Variants in CDH9 observed in about 807,000 individuals in gnomAD.
CDH9 encodes the protein cadherin-9.
A neutral mutation model predicts 70.9 loss-of-function variants in CDH9; 28 were observed. The observed-to-expected ratio is 0.40, with a 90% CI of 0.29 to 0.54. The LOEUF (loss-of-function observed/expected upper bound fraction) is 0.54. CDH9 is among the 20% of genes least tolerant of loss of function. CDH9 has a pLI of 0.59. For missense variants in CDH9, 874 were observed against 984.4 expected (o/e 0.89, Z 1.50); for synonymous variants, 409 against 343.1 (o/e 1.19, Z -2.12).
At position 26,914,823 on chromosome 5, in the gene CDH9, T is replaced by C. The variant is rs188096612; in HGVS notation, c.523+807A>G. 2.6e-5 allele frequency among the ~76,000 whole-genome samples: 4 copies of C among 152,040 alleles called. No homozygotes were observed. The South Asian group carries it at 6.2e-4, about 24-fold the overall frequency. On this transcript the variant is annotated intron_variant, in intron 3 of 11. Coordinates refer to ENST00000231021, the MANE Select transcript of CDH9 (RefSeq NM_016279.4). ...ACTAAATTGTATCAAATTTGGGAAA[T>C]TGGCTGCAGATCTTGTAAATTAAGT... is the stretch of plus-strand genomic sequence containing the variant.
intron 7 of CDH9, among the ~76,000 whole-genome samples, chr5:26,893,362 C>T (rs553008756): frequency 6.6e-6 from 1 of 152,210 alleles, no homozygotes; most frequent in East Asian, 1.9e-4. Flanking sequence ...AACTTATATA[C>T]TTGGTCTCAG....
At chr5:26,884,931 G>A (rs1740535290) in intron 11 of CDH9, among the ~76,000 whole-genome samples, 1 of 152,104 alleles carries the variant, frequency 6.6e-6, no homozygotes, top group Non-Finnish European at 1.5e-5. Flanking sequence ...AAATATTGCA[G>A]GGCTAGGTAG....
At chr5:26,941,269 C>T (rs1741657557) in intron 2 of CDH9, among the ~76,000 whole-genome samples, 1 of 152,304 alleles carries the variant, frequency 6.6e-6, no homozygotes, top group South Asian at 2.1e-4. Context: ...GGTTTTGATG[C>T]TCTCTCTATA....
chr5:26,969,223 A>G (rs1051874641), intron 2 of CDH9, among the ~76,000 whole-genome samples: 3 of 152,202 alleles, frequency 2.0e-5, no homozygotes, highest in Non-Finnish European at 4.4e-5. Context: ...ATTTTCACAT[A>G]TATCTAAGAA....
chr5:27,034,948 C>T (rs908403951), intron 1 of CDH9, among the ~76,000 whole-genome samples: 10 of 151,332 alleles, frequency 6.6e-5, no homozygotes, highest in Non-Finnish European at 1.3e-4. Flanking sequence ...ATTGAAATGA[C>T]TCATAAGAGA....
chr5:27,008,349 G>A lies in CDH9; in HGVS notation c.-49-19967C>T, dbSNP rs1019138346. ...CACTAAAAATACAAAAATCAGCTGA[G>A]TGTGGTGGCGGGTGCCTGTAATACC... On this transcript the variant is annotated intron_variant, in intron 1 of 11. Transcript: ENST00000231021. Among the ~76,000 whole-genome samples, 2 of 152,024 alleles carry A rather than the reference G, an allele frequency of 1.3e-5. 1 individual carries two copies. Among genetic ancestry groups the A allele is most frequent in the Non-Finnish European group, 2.9e-5 (2 of 68,008 alleles).
chr5:27,034,479 C>A (rs1561048030), intron 1 of CDH9, among the ~76,000 whole-genome samples: 1 of 151,638 alleles, frequency 6.6e-6, no homozygotes, highest in Non-Finnish European at 1.5e-5. Flanking sequence ...AGAAAAAAAT[C>A]TCAGAAAAAC....
rs531950717 is a variant in CDH9, at chr5:26,985,784, C to G, written c.228+2322G>C. ...CCTGGAAGACTAGGTTGAGGTCTAC[C>G]CAGGGAGACCAGAAACACTGTGGTC... On this transcript the variant is annotated intron_variant, in intron 2 of 11. Coordinates refer to ENST00000231021, the MANE Select transcript of CDH9 (RefSeq NM_016279.4). Among the ~76,000 whole-genome samples the G allele has an allele frequency of 5.2e-4, 79 of 151,944 alleles. 1 individual carries two copies. Among genetic ancestry groups the G allele is most frequent in the Non-Finnish European group, 2.2e-4 (15 of 67,962 alleles).
chr5:26,898,576 T>C (rs1327528346), intron 7 of CDH9, among the ~76,000 whole-genome samples: 1 of 152,144 alleles, frequency 6.6e-6, no homozygotes, highest in Non-Finnish European at 1.5e-5. Flanking sequence ...GGGGAAAGGA[T>C]TCCCTATTTA....
intron 2 of CDH9, among the ~76,000 whole-genome samples, chr5:26,916,684 AACCATG>A (rs921461902): frequency 1.3e-5 from 2 of 151,860 alleles, no homozygotes; most frequent in Non-Finnish European, 2.9e-5. Context: ...CAGAAAGTGA[AACCATG>A]ATTAAGGGGG....
intron 1 of CDH9, among the ~76,000 whole-genome samples, chr5:27,007,047 T>C (rs894744027): frequency 5.9e-5 from 9 of 152,152 alleles, no homozygotes; most frequent in African/African-American, 2.2e-4. Context: ...ATAGCAAGTT[T>C]TTAATCAGCA....
At chr5:27,002,780 G>A (rs1392965895) in intron 1 of CDH9, among the ~76,000 whole-genome samples, 2 of 152,026 alleles carry the variant, frequency 1.3e-5, no homozygotes, top group African/African-American at 4.8e-5. Context: ...TGGGGTTGGG[G>A]GAGGGGGAGG....
At chr5:26,940,902 T>C (rs1336500434) in intron 2 of CDH9, among the ~76,000 whole-genome samples, 3 of 152,244 alleles carry the variant, frequency 2.0e-5, no homozygotes, top group Non-Finnish European at 4.4e-5. Flanking sequence ...AGAGAGGCAG[T>C]ATTTTCTACC....
intron 2 of CDH9, among the ~76,000 whole-genome samples, chr5:26,923,769 A>G (rs1439991232): frequency 6.6e-6 from 1 of 152,132 alleles, no homozygotes; most frequent in Non-Finnish European, 1.5e-5. Context: ...AATTTTAGAA[A>G]CTATACAAAC....
At chr5:26,955,690 C>T (rs961616217) in intron 2 of CDH9, among the ~76,000 whole-genome samples, 2 of 151,968 alleles carry the variant, frequency 1.3e-5, no homozygotes, top group Admixed American at 6.6e-5. Context: ...ACACAGATTC[C>T]GGGATTTAGG....
chr5:26,997,295 A>G, intron 1 of CDH9, among the ~76,000 whole-genome samples: 1 of 151,902 alleles, frequency 6.6e-6, no homozygotes, highest in East Asian at 1.9e-4. Context: ...GTGTGTGTAT[A>G]TATGTCCACT....
At chr5:27,010,094 C>T (rs1742931686) in intron 1 of CDH9, among the ~76,000 whole-genome samples, 2 of 152,170 alleles carry the variant, frequency 1.3e-5, no homozygotes, top group African/African-American at 4.8e-5. Context: ...GAGATCTATC[C>T]TGTTAACAAA....
At chr5:26,982,682 G>GT (rs957778783) in intron 2 of CDH9, among the ~76,000 whole-genome samples, 2 of 151,376 alleles carry the variant, frequency 1.3e-5, no homozygotes, top group African/African-American at 4.9e-5. Flanking sequence ...AGTTTTTTTT[G>GT]TTTTTTTGTT....
chr5:26,934,414 G>A (rs1579460544), intron 2 of CDH9, among the ~76,000 whole-genome samples: 1 of 152,108 alleles, frequency 6.6e-6, no homozygotes, highest in Non-Finnish European at 1.5e-5. Flanking sequence ...ATAGTGAACT[G>A]TGATTGTGCC....
Sources: gnomAD v4.1 joint callset for allele counts (sites outside exome capture counted in the v4.1 genomes callset) on GRCh38, gnomAD v4.1.1 for gene constraint, MANE v1.5 for transcripts, NCBI Gene and HGNC (gene_info 2026-07-23, HGNC 2026-07-21) for gene names.